DMRTA1: variants seen among roughly 807,000 people sequenced by gnomAD.
The protein encoded by DMRTA1 is DMRT like family A1, also known as doublesex- and mab-3-related transcription factor A1.
DMRTA1 carries 34 observed loss-of-function variants against 35.2 expected under a neutral mutation model. The observed-to-expected ratio is 0.97, with a 90% confidence interval of 0.74 to 1.29. The LOEUF (loss-of-function observed/expected upper bound fraction) is 1.29. DMRTA1 is among the 50% of genes most tolerant of loss of function. The pLI is 0.00. For missense variants in DMRTA1, 824 were observed against 644.6 expected, an observed-to-expected ratio of 1.28 and a Z score of -3.01; for synonymous variants, 344 against 276.6, an observed-to-expected ratio of 1.24 and a Z score of -2.42.
chr9:22,450,316 G>T (rs550088156), intron 1 of DMRTA1, among the ~76,000 whole-genome samples: 20 of 152,206 alleles, frequency 1.3e-4, no homozygotes, highest in African/African-American at 4.1e-4. Context: ...CAAACAATTT[G>T]CTTTTAAAGT....
intron 1 of DMRTA1, among the ~76,000 whole-genome samples, chr9:22,449,035 G>A (rs1347821885): frequency 6.6e-6 from 1 of 152,190 alleles, no homozygotes; most frequent in African/African-American, 2.4e-5. Flanking sequence ...TGATTTATGT[G>A]ATTTCTAGTT....
At position 22,453,432 on chromosome 9, in the gene DMRTA1, G is replaced by C. The variant is rs117897699; in HGVS notation, c.*1521G>C. 1.7e-4 allele frequency: 26 copies of C among 152,180 alleles called. No homozygotes were observed. The East Asian group carries it at 4.8e-3, about 28-fold the overall frequency. The allele number at this position is 152,180 out of a possible 1,614,324, so 9.4% of individuals were successfully genotyped here. A position where few individuals can be genotyped will look rare whatever the true frequency, so the allele number is the denominator to read the frequency against. On this transcript the variant is annotated 3_prime_UTR_variant, in exon 2 of 2. Transcript: ENST00000325870. Reference sequence around the variant, plus strand: ...GCAAATGTGATATTAAATTACTTCAGAGTATCTGATGCTGATTTAGGATGT... The same window carrying C: ...GCAAATGTGATATTAAATTACTTCACAGTATCTGATGCTGATTTAGGATGT...
rs1365014422 is a variant in DMRTA1, at chr9:22,451,460, A to G, written c.1064A>G (p.Asp355Gly). ...LEGILRFCKGDVVQAIEQVLN... is the reference protein window; with the variant it reads ...LEGILRFCKGGVVQAIEQVLN... ...GGCATTCTACGGTTCTGCAAAGGGG[A>G]TGTGGTCCAAGCCATTGAACAGGTT... The change falls in exon 2 of 2, where the codon GAT becomes GGT. Residue 355 changes from aspartate to glycine, a missense_variant. By Grantham distance (94) the Asp-to-Gly change is moderately conservative. Transcript: ENST00000325870. The G allele has an allele frequency of 1.9e-6, 3 of 1,614,202 alleles. No homozygotes were observed. Among genetic ancestry groups the G allele is most frequent in the East Asian group, 2.2e-5 (1 of 44,888 alleles).
rs771491779 is a variant in DMRTA1, at chr9:22,447,320, C to A, written c.255C>A (p.Gly85=). ...CTCCCGGGCTGGAGAGCGGGGTAGGCGCGGTGGGCTGCGGCTACCCGCGGA... is the reference window on the plus strand; with the variant it reads ...CTCCCGGGCTGGAGAGCGGGGTAGGAGCGGTGGGCTGCGGCTACCCGCGGA... ...PPAPGLESGV[G]AVGCGYPRTP... Residue 85 remains glycine, a synonymous_variant, in exon 1 of 2, where the codon GGC becomes GGA. Coordinates refer to ENST00000325870, the MANE Select transcript of DMRTA1 (RefSeq NM_022160.3). 2 of 1,534,542 alleles carry A rather than the reference C, an allele frequency of 1.3e-6. No individual in the cohort carries two copies. The highest frequency in any genetic ancestry group is 4.0e-5 in the Admixed American group (2 of 50,432).
At chr9:22,448,505 C>A (rs1818873193) in intron 1 of DMRTA1, among the ~76,000 whole-genome samples, 1 of 152,006 alleles carries the variant, frequency 6.6e-6, no homozygotes, top group Admixed American at 6.5e-5. Context: ...TTTTTGACTG[C>A]GAGTCAGTTG....
chr9:22,447,239 G>GGCCGCGGCC lies in DMRTA1; in HGVS notation c.180_188dup (p.Ala65_Ala67dup), dbSNP rs1476617051. 3 of 1,513,866 alleles carry GGCCGCGGCC rather than the reference G, an allele frequency of 2.0e-6. No homozygotes were observed. The African/African-American group carries it at 4.4e-5, about 22-fold the overall frequency. The allele number at this position is 1,513,866 out of a possible 1,614,324, so 93.8% of individuals were successfully genotyped here. A position where few individuals can be genotyped will look rare whatever the true frequency, so the allele number is the denominator to read the frequency against. On this transcript the variant is annotated inframe_insertion, in exon 1 of 2. Transcript: ENST00000325870. ...CGCCCAGCCTCTTTCTGCGAGCAGC[G>GGCCGCGGCC]GCCGCGGCCGCCGCCGCCGCTGCCG...
rs1361624627 is a variant in DMRTA1, at chr9:22,451,263, A to G, written c.867A>G (p.Glu289=). 2 of 1,614,134 alleles carry G rather than the reference A, an allele frequency of 1.2e-6. No individual in the cohort carries two copies. The highest frequency in any genetic ancestry group is 1.7e-5 in the Admixed American group (1 of 60,018). Residue 289 remains glutamate, a synonymous_variant, in exon 2 of 2, where the codon GAA becomes GAG. Transcript: ENST00000325870. ...SPHPGEQSGG[E]ESPRSLSSSD... ...ATCCTGGAGAGCAATCAGGAGGTGA[A>G]GAGAGTCCCAGGTCCTTATCATCCT...
At chr9:22,449,503 TATAAC>T (rs1281531060) in intron 1 of DMRTA1, among the ~76,000 whole-genome samples, 2 of 152,136 alleles carry the variant, frequency 1.3e-5, no homozygotes, top group Non-Finnish European at 2.9e-5. Flanking sequence ...GTGAGTAAAA[TATAAC>T]AAGACATTAT....
At position 22,446,980 on chromosome 9, in the gene DMRTA1, T is replaced by A; in HGVS notation, c.-86T>A. ...AGCTCAGTAGGACCACGGCGCGTCC[T>A]GCCCCGGCTTCCCCAGCCTCCCAGC... On this transcript the variant is annotated 5_prime_UTR_variant, in exon 1 of 2. Coordinates refer to ENST00000325870, the MANE Select transcript of DMRTA1 (RefSeq NM_022160.3). 1 of 1,515,950 alleles carries A rather than the reference T, an allele frequency of 6.6e-7. No individual in the cohort carries two copies. The highest frequency in any genetic ancestry group is 1.2e-5 in the South Asian group (1 of 81,768). The allele number at this position is 1,515,950 out of a possible 1,614,324, so 93.9% of individuals were successfully genotyped here.
Position 22,447,540 on chromosome 9 carries a change from C to A in DMRTA1, c.475C>A (p.Leu159Ile). The change falls in exon 1 of 2, where the codon CTC becomes ATC. Residue 159 changes from leucine to isoleucine, a missense_variant. Physicochemically the swap from Leu to Ile is conservative, Grantham distance 5. Coordinates refer to ENST00000325870, the MANE Select transcript of DMRTA1 (RefSeq NM_022160.3). ...EESEARGLQR[L>I]LCSGLSWPPG... ...GAGCGAAGCCCGGGGGCTACAGAGGCTCCTGTGCTCGGGGCTCTCCTGGCC... is the reference window on the plus strand; with the variant it reads ...GAGCGAAGCCCGGGGGCTACAGAGGATCCTGTGCTCGGGGCTCTCCTGGCC... 6.3e-7 allele frequency: 1 copy of A among 1,585,650 alleles called. No individual in the cohort carries two copies.
Position 22,453,043 on chromosome 9 carries a change from C to G in DMRTA1, c.*1132C>G, listed in dbSNP as rs1381027533. 6.6e-6 allele frequency: 1 copy of G among 152,024 alleles called. No homozygotes were observed. The highest frequency in any genetic ancestry group is 1.5e-5 in the Non-Finnish European group (1 of 67,946). 9.4% of individuals were successfully genotyped at this position (152,024 alleles called of 1,614,324 possible). ...GTCCTCCCTCTGGCGCATTTGAAAA[C>G]TATTTATTTCAGTCAGTGGAAAGTC... On this transcript the variant is annotated 3_prime_UTR_variant, in exon 2 of 2. Transcript: ENST00000325870.
At position 22,453,490 on chromosome 9, in the gene DMRTA1, A is replaced by G. The variant is rs1270204148; in HGVS notation, c.*1579A>G. 1.3e-5 allele frequency: 2 copies of G among 152,096 alleles called. No individual in the cohort carries two copies. Among genetic ancestry groups the G allele is most frequent in the African/African-American group, 2.4e-5 (1 of 41,452 alleles). The allele number at this position is 152,096 out of a possible 1,614,324, so 9.4% of individuals were successfully genotyped here. ...TTTATTAGGTTATGCATTAATTTTA[A>G]TGGTGTGAATATAAGAAAGCAGATC... On this transcript the variant is annotated 3_prime_UTR_variant, in exon 2 of 2. Coordinates refer to ENST00000325870, the MANE Select transcript of DMRTA1 (RefSeq NM_022160.3).
In DMRTA1 at chr9:22,451,317, A is replaced by G; in HGVS notation, c.921A>G (p.Glu307=). Reference sequence around the variant, plus strand: ...ATCTGGAATCAGGAAATGAAAGTGAATGGGTCAAAGACTTGACTGCGACCA... The same window carrying G: ...ATCTGGAATCAGGAAATGAAAGTGAGTGGGTCAAAGACTTGACTGCGACCA... ...SSDLESGNES[E]WVKDLTATKA... is the part of the protein sequence containing the mutation. The change falls in exon 2 of 2, where the codon GAA becomes GAG. Residue 307 remains glutamate, a synonymous_variant. Transcript: ENST00000325870. The G allele has an allele frequency of 6.2e-7, 1 of 1,614,128 alleles. No homozygotes were observed. Among genetic ancestry groups the G allele is most frequent in the Non-Finnish European group, 8.5e-7 (1 of 1,179,968 alleles).
chr9:22,447,763 A>G (rs1381645112), intron 1 of DMRTA1, 31 bp downstream of exon 1: 2 of 1,611,458 alleles, frequency 1.2e-6, no homozygotes, highest in Non-Finnish European at 8.5e-7. Context: ...CTCTTTGCTC[A>G]AGGAATGGTT....
chr9:22,452,039 T>G lies in DMRTA1; in HGVS notation c.*128T>G. The G allele has an allele frequency of 8.8e-7, 1 of 1,137,598 alleles. No individual in the cohort carries two copies. The highest frequency in any genetic ancestry group is 1.2e-6 in the Non-Finnish European group (1 of 857,058). 70.5% of individuals were successfully genotyped at this position (1,137,598 alleles called of 1,614,324 possible). A position where few individuals can be genotyped will look rare whatever the true frequency, so the allele number is the denominator to read the frequency against. Reference sequence around the variant, plus strand: ...AGTGGATTATGAGGTCTTAAAATGCTGGGTTTTTTTTTTTTCAAGCAATAT... The same window carrying G: ...AGTGGATTATGAGGTCTTAAAATGCGGGGTTTTTTTTTTTTCAAGCAATAT... On this transcript the variant is annotated 3_prime_UTR_variant, in exon 2 of 2. Coordinates refer to ENST00000325870, the MANE Select transcript of DMRTA1 (RefSeq NM_022160.3).
chr9:22,447,829 T>C, intron 1 of DMRTA1, 97 bp downstream of exon 1: 1 of 1,450,264 alleles, frequency 6.9e-7, no homozygotes, highest in Non-Finnish European at 9.4e-7. Flanking sequence ...GCAGGAATAG[T>C]TGTTTAAAAG....
chr9:22,449,376 A>G (rs759408900), intron 1 of DMRTA1, among the ~76,000 whole-genome samples: 11 of 152,202 alleles, frequency 7.2e-5, no homozygotes, highest in Non-Finnish European at 1.5e-4. Context: ...ATAGAAGTAA[A>G]GCAAGCTGTA....
chr9:22,450,421 A>C (rs1326804590), intron 1 of DMRTA1, among the ~76,000 whole-genome samples: 1 of 152,174 alleles, frequency 6.6e-6, no homozygotes, highest in East Asian at 1.9e-4. Context: ...AAAATGAAAT[A>C]TGCAAGCTCT....
chr9:22,450,759 TATGCAGACAATTTGGGGTAACA>T (rs1818911679), intron 1 of DMRTA1, among the ~76,000 whole-genome samples: 1 of 152,178 alleles, frequency 6.6e-6, no homozygotes, highest in Admixed American at 6.5e-5. Context: ...ATATTGGTGT[TATGCAGACAATTTGGGGTAACA>T]ATACACTCTC....
Sources: allele counts gnomAD v4.1 joint callset (sites outside exome capture counted in the v4.1 genomes callset), GRCh38; gene constraint gnomAD v4.1.1; transcripts MANE v1.5; gene names NCBI Gene and HGNC (gene_info 2026-07-23, HGNC 2026-07-21).